Variants in LSAMP observed in about 807,000 individuals in gnomAD.
The protein encoded by LSAMP is limbic system-associated membrane protein.
A neutral mutation model predicts 38.6 loss-of-function variants in LSAMP; 7 were observed. That is an observed-to-expected ratio of 0.18 (90% CI 0.10 to 0.34). The LOEUF is 0.34. LSAMP is among the 10% of genes least tolerant of loss of function. LSAMP has a pLI of 1.00. For missense variants in LSAMP, 313 were observed against 420.0 expected, an observed-to-expected ratio of 0.75 and a Z score of 2.23; for synonymous variants, 154 against 166.8, an observed-to-expected ratio of 0.92 and a Z score of 0.59.
At chr3:116,233,330 G>A (rs772773995) in intron 1 of LSAMP, among the ~76,000 whole-genome samples, 5 of 144,892 alleles carry the variant, frequency 3.5e-5, no homozygotes, top group Non-Finnish European at 6.0e-5. Flanking sequence ...GGAGAATGGC[G>A]TGAACCCAGG....
At chr3:115,892,169 C>T (rs1440871555) in intron 3 of LSAMP, among the ~76,000 whole-genome samples, 1 of 151,870 alleles carries the variant, frequency 6.6e-6, no homozygotes, top group African/African-American at 2.4e-5. Context: ...TGGTTCAAAC[C>T]CTTGGGAAAA....
chr3:115,941,658 G>A (rs1309489675), intron 3 of LSAMP, among the ~76,000 whole-genome samples: 1 of 152,118 alleles, frequency 6.6e-6, no homozygotes, highest in Non-Finnish European at 1.5e-5. Context: ...CAACATGGGT[G>A]AAACTAGACG....
chr3:116,049,523 T>C (rs1559722395), intron 2 of LSAMP, among the ~76,000 whole-genome samples: 1 of 152,224 alleles, frequency 6.6e-6, no homozygotes, highest in Non-Finnish European at 1.5e-5. Flanking sequence ...GTAGTTACAA[T>C]GGCGATTACA....
intron 3 of LSAMP, among the ~76,000 whole-genome samples, chr3:115,982,881 G>T (rs1244710195): frequency 6.8e-6 from 1 of 147,490 alleles, no homozygotes; most frequent in South Asian, 2.1e-4. Flanking sequence ...CCTCCCATGG[G>T]TGCACCGTTA....
At chr3:116,329,667 A>C (rs1161854504) in intron 1 of LSAMP, among the ~76,000 whole-genome samples, 2 of 152,128 alleles carry the variant, frequency 1.3e-5, no homozygotes. Flanking sequence ...ATTATTCAAA[A>C]ATTTCGGAGG....
chr3:115,893,497 G>C (rs1242922177), intron 3 of LSAMP, among the ~76,000 whole-genome samples: 1 of 151,946 alleles, frequency 6.6e-6, no homozygotes, highest in African/African-American at 2.4e-5. Flanking sequence ...ATTGATGACA[G>C]TCCTAAACAT....
chr3:115,895,507 G>A (rs1217754344), intron 3 of LSAMP, among the ~76,000 whole-genome samples: 1 of 151,940 alleles, frequency 6.6e-6, no homozygotes. Flanking sequence ...AATACAAACA[G>A]CCCAGCTAAA....
At chr3:116,401,875 A>G (rs886265989) in intron 1 of LSAMP, among the ~76,000 whole-genome samples, 2 of 152,052 alleles carry the variant, frequency 1.3e-5, no homozygotes, top group African/African-American at 4.8e-5. Context: ...TATTCTTGAG[A>G]TGAAAGGCTA....
At chr3:115,922,689 C>T (rs183724741) in intron 3 of LSAMP, among the ~76,000 whole-genome samples, 1 of 152,162 alleles carries the variant, frequency 6.6e-6, no homozygotes, top group East Asian at 1.9e-4. Flanking sequence ...TATAGACTTG[C>T]TTTTACTGGG....
chr3:116,128,121 A>G (rs1709048354), intron 1 of LSAMP, among the ~76,000 whole-genome samples: 1 of 152,196 alleles, frequency 6.6e-6, no homozygotes, highest in Admixed American at 6.5e-5. Flanking sequence ...CACTTATGGA[A>G]TAGTTTCCAT....
Position 116,253,956 on chromosome 3 carries a change from G to T in LSAMP, c.156-167400C>A, listed in dbSNP as rs185241558. On this transcript the variant is annotated intron_variant, in intron 1 of 6. Transcript: ENST00000490035. ...GTTCTTCCCAATTTAAATACCATGT[G>T]CTTCTTCACATTATTTCCTTTCCCT... Among the ~76,000 whole-genome samples the T allele has an allele frequency of 2.6e-3, 400 of 152,088 alleles. 5 individuals are homozygous for T. Among genetic ancestry groups the T allele is most frequent in the South Asian group, 0.016 (77 of 4,808 alleles).
chr3:116,205,243 C>T (rs1265076626), intron 1 of LSAMP, among the ~76,000 whole-genome samples: 8 of 148,714 alleles, frequency 5.4e-5, no homozygotes, highest in African/African-American at 7.5e-5. Context: ...GATTTTTGTA[C>T]GTTGATTTTG....
At position 116,003,935 on chromosome 3, in the gene LSAMP, G is replaced by A. The variant is rs571309891; in HGVS notation, c.514+15580C>T. Among the ~76,000 whole-genome samples the A allele has an allele frequency of 6.6e-5, 10 of 152,270 alleles. No homozygotes were observed. In the South Asian group the frequency reaches 8.3e-4, roughly 13 times the overall value. On this transcript the variant is annotated intron_variant, in intron 3 of 6. Transcript: ENST00000490035. Reference sequence around the variant, plus strand: ...CTTTCTGTTGTTTTAAGCCATGCACGTTTGTGATTATTTGTTGTGGCAGCC... The same window carrying A: ...CTTTCTGTTGTTTTAAGCCATGCACATTTGTGATTATTTGTTGTGGCAGCC...
chr3:115,948,092 G>C (rs1002049785), intron 3 of LSAMP, among the ~76,000 whole-genome samples: 4 of 152,174 alleles, frequency 2.6e-5, no homozygotes, highest in Non-Finnish European at 5.9e-5. Context: ...TAAAGTCCAA[G>C]AACATTTCAA....
intron 3 of LSAMP, among the ~76,000 whole-genome samples, chr3:115,900,995 C>T (rs1936859595): frequency 6.6e-6 from 1 of 152,092 alleles, no homozygotes; most frequent in Admixed American, 6.6e-5. Context: ...GTTTCATTTC[C>T]TCCACCAACA....
chr3:115,922,623 T>C (rs905595961), intron 3 of LSAMP, among the ~76,000 whole-genome samples: 1 of 152,146 alleles, frequency 6.6e-6, no homozygotes, highest in Non-Finnish European at 1.5e-5. Flanking sequence ...CTGTGTGTCT[T>C]ACAACTTTTT....
In LSAMP at chr3:115,825,575, T is replaced by C. The variant is rs115287520; in HGVS notation, c.920-15161A>G. 8.8e-3 allele frequency among the ~76,000 whole-genome samples: 1,344 copies of C among 152,312 alleles called. 21 individuals carry two copies. The highest frequency in any genetic ancestry group is 0.03 in the African/African-American group (1,258 of 41,560). On this transcript the variant is annotated intron_variant, in intron 6 of 6. Transcript: ENST00000490035. ...CCTCCAGAAAGCTAAACCTAAATAC[T>C]AATACCTACCACACAGTACATAATA...
At chr3:115,826,950 T>C (rs1934434401) in intron 6 of LSAMP, among the ~76,000 whole-genome samples, 1 of 140,838 alleles carries the variant, frequency 7.1e-6, no homozygotes, top group Non-Finnish European at 1.5e-5. Context: ...AATGGGATCA[T>C]TCCGTCTTTT....
chr3:116,095,394 T>C (rs999148535), intron 1 of LSAMP, among the ~76,000 whole-genome samples: 17 of 152,224 alleles, frequency 1.1e-4, no homozygotes, highest in African/African-American at 3.6e-4. Flanking sequence ...TTGTTATATA[T>C]GATACATGCA....
Sources: gnomAD v4.1 joint callset for allele counts (sites outside exome capture counted in the v4.1 genomes callset) on GRCh38, gnomAD v4.1.1 for gene constraint, MANE v1.5 for transcripts, NCBI Gene and HGNC (gene_info 2026-07-23, HGNC 2026-07-21) for gene names.